Variants in CNBD1 observed in about 807,000 individuals in gnomAD.
CNBD1 encodes cyclic nucleotide binding domain containing 1, also known as cyclic nucleotide-binding domain-containing protein 1.
CNBD1 carries 71 observed loss-of-function variants against 54.4 expected under a neutral mutation model. The observed-to-expected ratio is 1.30, with a 90% CI of 1.08 to 1.59. The LOEUF (loss-of-function observed/expected upper bound fraction) is 1.59, where lower values mean the gene tolerates loss of function less well. CNBD1 is among the 40% of genes most tolerant of loss of function. The probability of loss-of-function intolerance (pLI) is 0.00; values close to 1 mark genes in which losing one functional copy is unlikely to be tolerated. For synonymous variants in CNBD1, 182 were observed against 170.7 expected, an observed-to-expected ratio of 1.07 and a Z score of -0.51; for missense variants, 659 against 518.0, an observed-to-expected ratio of 1.27 and a Z score of -2.64.
At chr8:86,909,967 A>G (rs1290514711) in intron 3 of CNBD1, among the ~76,000 whole-genome samples, 1 of 152,172 alleles carries the variant, frequency 6.6e-6, no homozygotes, top group East Asian at 1.9e-4. Context: ...AGTAAGATGA[A>G]TGTGGTCCTT....
At chr8:87,308,606 C>A (rs976712458) in intron 8 of CNBD1, among the ~76,000 whole-genome samples, 1 of 152,056 alleles carries the variant, frequency 6.6e-6, no homozygotes, top group African/African-American at 2.4e-5. Context: ...CATTTCAAAT[C>A]TTCTCTTCCA....
At chr8:87,358,231 T>C (rs1810459009) in intron 10 of CNBD1, among the ~76,000 whole-genome samples, 1 of 152,204 alleles carries the variant, frequency 6.6e-6, no homozygotes, top group African/African-American at 2.4e-5. Context: ...CAGAATGTGT[T>C]ACCAATACTT....
intron 4 of CNBD1, among the ~76,000 whole-genome samples, chr8:87,126,301 A>T (rs557417736): frequency 4.2e-4 from 64 of 152,118 alleles, no homozygotes; most frequent in African/African-American, 1.5e-3. Flanking sequence ...GGCAGTATAT[A>T]AAAACTCTGG....
intron 4 of CNBD1, among the ~76,000 whole-genome samples, chr8:87,082,093 A>G (rs1811006787): frequency 6.6e-6 from 1 of 152,194 alleles, no homozygotes; most frequent in South Asian, 2.1e-4. Flanking sequence ...ACTTGCACGT[A>G]TACATCCAGA....
chr8:87,393,989 A>G (rs1340620560), intron 2 of CNBD1, among the ~76,000 whole-genome samples: 2 of 151,870 alleles, frequency 1.3e-5, no homozygotes, highest in Admixed American at 6.6e-5. Context: ...TGAGTAAATG[A>G]CCAGTCTGAA....
At chr8:86,882,916 AG>A (rs1808625629) in intron 1 of CNBD1, among the ~76,000 whole-genome samples, 1 of 152,196 alleles carries the variant, frequency 6.6e-6, no homozygotes, top group Non-Finnish European at 1.5e-5. Flanking sequence ...AAACAAACTC[AG>A]GAACAGAACA....
chr8:87,421,984 G>A (rs1473193799), intron 2 of CNBD1, among the ~76,000 whole-genome samples: 2 of 149,794 alleles, frequency 1.3e-5, no homozygotes, highest in Admixed American at 6.6e-5. Context: ...GTATGAGATG[G>A]TATCTCATTG....
chr8:87,034,417 A>G (rs1378813277), intron 4 of CNBD1, among the ~76,000 whole-genome samples: 1 of 152,162 alleles, frequency 6.6e-6, no homozygotes, highest in Non-Finnish European at 1.5e-5. Flanking sequence ...AATACTGGCA[A>G]CTCTTGAGCT....
At chr8:87,066,176 TA>T (rs1298612185) in intron 4 of CNBD1, among the ~76,000 whole-genome samples, 1 of 151,970 alleles carries the variant, frequency 6.6e-6, no homozygotes, top group Non-Finnish European at 1.5e-5. Context: ...ATGTATAATT[TA>T]AAAAATTAAG....
intron 8 of CNBD1, among the ~76,000 whole-genome samples, chr8:87,321,123 TG>T (rs1809518518): frequency 6.6e-6 from 1 of 151,902 alleles, no homozygotes; most frequent in Non-Finnish European, 1.5e-5. Flanking sequence ...ACCTGGCCAT[TG>T]TGAATAATGC....
intron 8 of CNBD1, among the ~76,000 whole-genome samples, chr8:87,293,609 A>T (rs910158622): frequency 1.3e-5 from 2 of 152,318 alleles, no homozygotes; most frequent in South Asian, 4.1e-4. Context: ...ACTCCTTACT[A>T]TGTAGGACAG....
intron 4 of CNBD1, among the ~76,000 whole-genome samples, chr8:86,994,694 A>G (rs1192785897): frequency 6.6e-6 from 1 of 151,776 alleles, no homozygotes. Context: ...TGAGTACCCC[A>G]GCAGGGTCCC....
intron 8 of CNBD1, among the ~76,000 whole-genome samples, chr8:87,304,993 G>C (rs1275629036): frequency 6.6e-6 from 1 of 152,024 alleles, no homozygotes; most frequent in Non-Finnish European, 1.5e-5. Flanking sequence ...CAAGATGATT[G>C]TTTACCTTGA....
At chr8:87,199,144 G>A (rs1197868276) in intron 4 of CNBD1, among the ~76,000 whole-genome samples, 3 of 152,284 alleles carry the variant, frequency 2.0e-5, no homozygotes, top group South Asian at 2.1e-4. Context: ...AACACCTCGC[G>A]GGGATGACAT....
chr8:87,161,599 A>T (rs1457499373), intron 4 of CNBD1, among the ~76,000 whole-genome samples: 1 of 152,166 alleles, frequency 6.6e-6, no homozygotes, highest in Non-Finnish European at 1.5e-5. Context: ...AAGTTTTAAA[A>T]ATAGGAAAGA....
At chr8:86,875,634 GTAGCAC>G (rs1481000462) in intron 1 of CNBD1, among the ~76,000 whole-genome samples, 13 of 151,868 alleles carry the variant, frequency 8.6e-5, no homozygotes, top group Non-Finnish European at 1.8e-4. Flanking sequence ...TCAGAAATTT[GTAGCAC>G]TAGTATATAT....
chr8:87,428,143 A>C (rs1808081661), intron 2 of CNBD1, among the ~76,000 whole-genome samples: 1 of 149,172 alleles, frequency 6.7e-6, no homozygotes, highest in Non-Finnish European at 1.5e-5. Context: ...ACCAAAAAAA[A>C]GGCAAAAAAA....
rs887045248 is a variant in CNBD1 at position 86,964,633 on chromosome 8, G to C, written c.431+24879G>C. Reference sequence around the variant, plus strand: ...AGGGGACCCGAATCTAAATGGGACCGTGTTTACCACACATCTGTTGTAGGA... The same window carrying C: ...AGGGGACCCGAATCTAAATGGGACCCTGTTTACCACACATCTGTTGTAGGA... On this transcript the variant is annotated intron_variant, in intron 4 of 10. Coordinates refer to ENST00000518476, the MANE Select transcript of CNBD1 (RefSeq NM_173538.3). Among the ~76,000 whole-genome samples the C allele has an allele frequency of 5.9e-5, 9 of 152,204 alleles. 1 individual carries two copies. The highest frequency in any genetic ancestry group is 5.9e-4 in the Admixed American group (9 of 15,280).
chr8:87,110,058 G>C (rs1811630186), intron 4 of CNBD1, among the ~76,000 whole-genome samples: 1 of 152,046 alleles, frequency 6.6e-6, no homozygotes. Flanking sequence ...TCTTATCTTG[G>C]CTACTTTTCT....
Sources: allele counts gnomAD v4.1 joint callset (sites outside exome capture counted in the v4.1 genomes callset), GRCh38; gene constraint gnomAD v4.1.1; transcripts MANE v1.5; gene names NCBI Gene and HGNC (gene_info 2026-07-23, HGNC 2026-07-21).